Variants in SORCS3 observed in about 807,000 individuals in gnomAD.
SORCS3 encodes VPS10 domain-containing receptor SorCS3.
Under a neutral mutation model 146.3 loss-of-function variants are expected in SORCS3, and 57 were observed. That is an observed-to-expected ratio of 0.39 (90% CI 0.31 to 0.49). The LOEUF (loss-of-function observed/expected upper bound fraction) is 0.49. SORCS3 is among the 20% of genes least tolerant of loss of function. The pLI, the probability that SORCS3 is intolerant of heterozygous loss-of-function variation, is 0.92. For synonymous variants in SORCS3, 653 were observed against 618.5 expected, an observed-to-expected ratio of 1.06 and a Z score of -0.83; for missense variants, 1,341 against 1,575.5, an observed-to-expected ratio of 0.85 and a Z score of 2.52.
intron 1 of SORCS3, among the ~76,000 whole-genome samples, chr10:104,736,929 C>G (rs911675515): frequency 1.3e-5 from 2 of 152,128 alleles, no homozygotes; most frequent in Admixed American, 6.5e-5. Context: ...CATCCCTCCC[C>G]CTTCCCCCAC....
rs374782505 is a variant in SORCS3 at position 104,779,805 on chromosome 10, C to T, written c.628-62987C>T. ...GGCAGGTGAGGGCCTCTTCATTCCC[C>T]ATCTCCACTAACCACGCAAGTCTCT... On this transcript the variant is annotated intron_variant, in intron 1 of 26. Transcript: ENST00000369701. 6.6e-5 allele frequency among the ~76,000 whole-genome samples: 10 copies of T among 152,170 alleles called. No homozygotes were observed. In the South Asian group the frequency reaches 2.1e-3, roughly 32 times the overall value.
intron 3 of SORCS3, among the ~76,000 whole-genome samples, chr10:104,955,174 C>T (rs1479756749): frequency 6.6e-6 from 1 of 151,570 alleles, no homozygotes; most frequent in Non-Finnish European, 1.5e-5. Context: ...AGTCGTTTCC[C>T]ATTCCCCTAT....
rs2017517902 is a variant in SORCS3 at position 104,793,579 on chromosome 10, A to G, written c.628-49213A>G. 2.0e-5 allele frequency among the ~76,000 whole-genome samples: 3 copies of G among 152,170 alleles called. No individual in the cohort carries two copies. The South Asian group carries it at 6.2e-4, about 31-fold the overall frequency. On this transcript the variant is annotated intron_variant, in intron 1 of 26. Transcript: ENST00000369701. ...GAATACAGGGGATGGGATTGTTAGG[A>G]CTTAGCAATGATTGAATGAGTTGGC...
At chr10:104,830,996 T>C (rs1438614105) in intron 1 of SORCS3, among the ~76,000 whole-genome samples, 1 of 151,850 alleles carries the variant, frequency 6.6e-6, no homozygotes, top group Non-Finnish European at 1.5e-5. Context: ...TAATTATTAT[T>C]ATTTTTTTTG....
At chr10:105,216,899 C>A in intron 18 of SORCS3, 37 bp from the exon 19 acceptor site, 1 of 1,609,082 alleles carries the variant, frequency 6.2e-7, no homozygotes, top group Non-Finnish European at 8.5e-7. Flanking sequence ...TCTGGCTGGA[C>A]CAAGTAAATT....
intron 3 of SORCS3, among the ~76,000 whole-genome samples, chr10:104,975,412 G>A (rs1370532010): frequency 1.3e-5 from 2 of 152,152 alleles, no homozygotes; most frequent in South Asian, 2.1e-4. Flanking sequence ...AATAAAAGAG[G>A]ATACAAAGAA....
intron 3 of SORCS3, among the ~76,000 whole-genome samples, chr10:104,972,398 G>A (rs888423338): frequency 2.0e-5 from 3 of 152,122 alleles, no homozygotes; most frequent in African/African-American, 7.2e-5. Context: ...TAAACCTTCT[G>A]TGGGAGAAAT....
chr10:104,799,996 TA>T (rs1166818792), intron 1 of SORCS3, among the ~76,000 whole-genome samples: 2 of 151,662 alleles, frequency 1.3e-5, no homozygotes, highest in Non-Finnish European at 1.5e-5. Context: ...AGTATAATAA[TA>T]AAAAAAGAAA....
intron 1 of SORCS3, among the ~76,000 whole-genome samples, chr10:104,703,885 TAGG>T (rs2016308211): frequency 6.6e-6 from 1 of 151,986 alleles, no homozygotes; most frequent in Non-Finnish European, 1.5e-5. Flanking sequence ...AATTAGAGTG[TAGG>T]AGGATTCATT....
At chr10:105,173,682 A>G (rs1371667232) in intron 13 of SORCS3, among the ~76,000 whole-genome samples, 1 of 152,174 alleles carries the variant, frequency 6.6e-6, no homozygotes, top group African/African-American at 2.4e-5. Context: ...TATTATTTCA[A>G]CTGAAAATAA....
chr10:105,010,112 A>G (rs575099703), intron 4 of SORCS3, among the ~76,000 whole-genome samples: 2 of 152,120 alleles, frequency 1.3e-5, no homozygotes, highest in Non-Finnish European at 2.9e-5. Context: ...GCTCAAGTGC[A>G]CCTCTGCTCT....
intron 11 of SORCS3, among the ~76,000 whole-genome samples, chr10:105,163,681 G>A (rs2056285947): frequency 1.3e-5 from 2 of 152,156 alleles, no homozygotes. Flanking sequence ...GAAGCAGCAA[G>A]TATGGTTGGT....
chr10:104,825,721 T>C (rs1169469607), intron 1 of SORCS3, among the ~76,000 whole-genome samples: 3 of 152,188 alleles, frequency 2.0e-5, no homozygotes, highest in South Asian at 4.1e-4. Flanking sequence ...AATTGTGTGG[T>C]CATTTAGCCC....
intron 1 of SORCS3, among the ~76,000 whole-genome samples, chr10:104,662,033 T>C (rs2015709212): frequency 6.6e-6 from 1 of 152,194 alleles, no homozygotes; most frequent in African/African-American, 2.4e-5. Context: ...GTTATTACTA[T>C]CTCTCTTTAA....
At chr10:105,124,194 C>T (rs1189837255) in intron 7 of SORCS3, among the ~76,000 whole-genome samples, 1 of 152,190 alleles carries the variant, frequency 6.6e-6, no homozygotes, top group African/African-American at 2.4e-5. Context: ...AATAGCTCCA[C>T]AGCCCAAGCT....
chr10:104,737,832 A>G (rs1249846285), intron 1 of SORCS3, among the ~76,000 whole-genome samples: 1 of 149,556 alleles, frequency 6.7e-6, no homozygotes, highest in Non-Finnish European at 1.5e-5. Flanking sequence ...TTGGTGTTTT[A>G]GACATGAAGT....
intron 3 of SORCS3, among the ~76,000 whole-genome samples, chr10:104,970,304 G>A (rs1479605443): frequency 4.6e-5 from 7 of 151,966 alleles, no homozygotes; most frequent in African/African-American, 7.3e-5. Context: ...GTACCTCCAC[G>A]CCCAGCTAAT....
chr10:104,850,591 A>C (rs967789039), intron 2 of SORCS3, among the ~76,000 whole-genome samples: 3 of 152,144 alleles, frequency 2.0e-5, no homozygotes, highest in Admixed American at 2.0e-4. Flanking sequence ...CTCAAAAAGA[A>C]AATAAAAGCT....
intron 1 of SORCS3, among the ~76,000 whole-genome samples, chr10:104,662,659 C>T (rs1249355238): frequency 6.6e-6 from 1 of 152,210 alleles, no homozygotes; most frequent in Non-Finnish European, 1.5e-5. Context: ...TGCAATTAGA[C>T]TGGCATGTTC....
Sources: allele counts gnomAD v4.1 joint callset (sites outside exome capture counted in the v4.1 genomes callset), GRCh38; gene constraint gnomAD v4.1.1; transcripts MANE v1.5; gene names NCBI Gene and HGNC (gene_info 2026-07-23, HGNC 2026-07-21).